PPP2R2A: variants seen among roughly 807,000 people sequenced by gnomAD.
PPP2R2A encodes serine/threonine-protein phosphatase 2A 55 kDa regulatory subunit B alpha isoform.
In PPP2R2A, 9 loss-of-function variants were observed where a neutral mutation model predicts 53.2. The ratio of observed to expected loss-of-function variants is 0.17; its 90% confidence interval spans 0.10 to 0.30. The LOEUF is 0.30. Ranked by LOEUF, PPP2R2A falls within the 10% of genes least tolerant of loss-of-function variation. PPP2R2A has a pLI of 1.00. For missense variants in PPP2R2A, 235 were observed against 534.6 expected (o/e 0.44, Z 5.53); for synonymous variants, 169 against 174.2 (o/e 0.97, Z 0.23).
intron 2 of PPP2R2A, among the ~76,000 whole-genome samples, chr8:26,323,974 T>C (rs1362280993): frequency 1.3e-5 from 2 of 152,250 alleles, no homozygotes; most frequent in Non-Finnish European, 2.9e-5. Context: ...TTAGAACCTC[T>C]CCAGTGTCTT....
At chr8:26,295,279 C>A (rs985802117) in intron 2 of PPP2R2A, among the ~76,000 whole-genome samples, 1 of 152,120 alleles carries the variant, frequency 6.6e-6, no homozygotes, top group African/African-American at 2.4e-5. Flanking sequence ...TTAAACATTA[C>A]GCAGAAAGAT....
chr8:26,349,625 T>C (rs1021339997), intron 3 of PPP2R2A, among the ~76,000 whole-genome samples: 1 of 152,232 alleles, frequency 6.6e-6, no homozygotes, highest in Non-Finnish European at 1.5e-5. Flanking sequence ...TATTTAAATA[T>C]ACACTGAAAA....
intron 1 of PPP2R2A, 118 bp downstream of exon 1, chr8:26,291,944 AGG>A: frequency 5.6e-6 from 4 of 711,534 alleles, no homozygotes; most frequent in Non-Finnish European, 8.5e-6. Flanking sequence ...CTCGGGTTTG[AGG>A]GAGTAGGGTC....
intron 2 of PPP2R2A, among the ~76,000 whole-genome samples, chr8:26,329,536 T>G (rs976279838): frequency 4.6e-5 from 7 of 152,216 alleles, no homozygotes; most frequent in Non-Finnish European, 8.8e-5. Flanking sequence ...TGAATTCTTT[T>G]TAAAAAAATT....
At chr8:26,331,340 A>C (rs1359315479) in intron 2 of PPP2R2A, among the ~76,000 whole-genome samples, 2 of 152,206 alleles carry the variant, frequency 1.3e-5, no homozygotes, top group Admixed American at 6.5e-5. Flanking sequence ...CAGGACAATA[A>C]ATTCAGGTTA....
chr8:26,331,519 T>C (rs1326334923), intron 2 of PPP2R2A, among the ~76,000 whole-genome samples: 2 of 152,248 alleles, frequency 1.3e-5, no homozygotes, highest in African/African-American at 4.8e-5. Context: ...TTTGTTAGTC[T>C]TTGTCTTTTT....
intron 2 of PPP2R2A, among the ~76,000 whole-genome samples, chr8:26,323,888 A>G (rs1021381545): frequency 6.6e-6 from 1 of 151,392 alleles, no homozygotes; most frequent in African/African-American, 2.4e-5. Context: ...TGACTCCTCT[A>G]CTCTCTTAGG....
At position 26,370,487 on chromosome 8, in the gene PPP2R2A, A is replaced by G. The variant is rs1476401449; in HGVS notation, c.*74A>G. The stretch of plus-strand genomic sequence containing the variant: ...TTGAATCTAGCATTCGTTCCTATAA[A>G]AGAGAGAGGTCCATTGTGGCGCCCC... On this transcript the variant is annotated 3_prime_UTR_variant, in exon 10 of 10. Transcript: ENST00000380737. The surrounding 1 kb of genome is among the most constrained non-coding windows in gnomAD (Gnocchi z 6.1). 1.1e-5 allele frequency: 16 copies of G among 1,517,086 alleles called. No homozygotes were observed. Among genetic ancestry groups the G allele is most frequent in the African/African-American group, 5.5e-5 (4 of 72,314 alleles). The allele number at this position is 1,517,086 out of a possible 1,614,324, so 94.0% of individuals were successfully genotyped here.
intron 2 of PPP2R2A, among the ~76,000 whole-genome samples, chr8:26,294,849 A>G (rs950150228): frequency 6.6e-6 from 1 of 151,764 alleles, no homozygotes; most frequent in African/African-American, 2.4e-5. Flanking sequence ...TACTTGTCAT[A>G]TTTTGCAGAG....
chr8:26,323,255 G>A (rs569922206), intron 2 of PPP2R2A, among the ~76,000 whole-genome samples: 6 of 152,296 alleles, frequency 3.9e-5, no homozygotes, highest in African/African-American at 1.2e-4. Context: ...AGCTGACTAT[G>A]TAGAAAACAC....
At chr8:26,332,386 A>G (rs946510747) in intron 2 of PPP2R2A, among the ~76,000 whole-genome samples, 1 of 151,756 alleles carries the variant, frequency 6.6e-6, no homozygotes, top group East Asian at 1.9e-4. Context: ...AAAAAGAAGA[A>G]GATACAAATT....
At chr8:26,333,164 G>A (rs928251122) in intron 2 of PPP2R2A, among the ~76,000 whole-genome samples, 2 of 152,164 alleles carry the variant, frequency 1.3e-5, no homozygotes, top group Admixed American at 1.3e-4. Flanking sequence ...TTAATATAAA[G>A]CAGAGTTTGG....
intron 2 of PPP2R2A, among the ~76,000 whole-genome samples, chr8:26,310,481 TATGAGAAGATA>T (rs1802236678): frequency 1.3e-5 from 2 of 151,562 alleles, no homozygotes; most frequent in Non-Finnish European, 2.9e-5. Context: ...AGTTAACATA[TATGAGAAGATA>T]AATGGCTGTA....
chr8:26,293,366 G>T, intron 1 of PPP2R2A: 1 of 1,227,492 alleles, frequency 8.1e-7, no homozygotes, highest in South Asian at 1.3e-5. Context: ...CTTTTTTTCT[G>T]GTAGGTCTTG....
chr8:26,365,215 A>G (rs998442310), intron 8 of PPP2R2A: 1 of 152,210 alleles, frequency 6.6e-6, no homozygotes, highest in African/African-American at 2.4e-5. Context: ...TTATAGGCAA[A>G]TGTATCATAT....
chr8:26,355,708 C>CA (rs891635974), intron 4 of PPP2R2A, among the ~76,000 whole-genome samples: 27 of 151,670 alleles, frequency 1.8e-4, no homozygotes, highest in African/African-American at 4.8e-4. Flanking sequence ...ACTAAAAATA[C>CA]AAAAAAATTA....
At position 26,371,923 on chromosome 8, in the gene PPP2R2A, G is replaced by C. The variant is rs900265390; in HGVS notation, c.*1510G>C. The C allele has an allele frequency of 6.6e-6, 1 of 152,258 alleles. No individual in the cohort carries two copies. The highest frequency in any genetic ancestry group is 6.5e-5 in the Admixed American group (1 of 15,304). 9.4% of individuals were successfully genotyped at this position (152,258 alleles called of 1,614,324 possible). On this transcript the variant is annotated 3_prime_UTR_variant, in exon 10 of 10. Transcript: ENST00000380737. ...GGACTTTATTTTTGAAAGGTGAAAT[G>C]AACAGGCATTTATATTATTAGAGAA...
At chr8:26,299,984 C>G (rs4872423) in intron 2 of PPP2R2A, among the ~76,000 whole-genome samples, 2 of 152,168 alleles carry the variant, frequency 1.3e-5, no homozygotes, top group African/African-American at 4.8e-5. Context: ...CTACTGAAGT[C>G]TAGTAGACCT....
chr8:26,357,735 G>GCT, intron 4 of PPP2R2A, among the ~76,000 whole-genome samples: 1 of 151,968 alleles, frequency 6.6e-6, no homozygotes, highest in Middle Eastern at 3.4e-3. Flanking sequence ...GGTTTTCCCT[G>GCT]CTCATACCTC....
Sources: allele counts gnomAD v4.1 joint callset (sites outside exome capture counted in the v4.1 genomes callset), GRCh38; gene constraint gnomAD v4.1.1; non-coding constraint Gnocchi (gnomAD v3.1); transcripts MANE v1.5; gene names NCBI Gene and HGNC (gene_info 2026-07-23, HGNC 2026-07-21).